The following TMPRSS3 variants were observed in gnomAD, a reference collection of about 807,000 sequenced individuals.
The protein encoded by TMPRSS3 is transmembrane protease serine 3.
TMPRSS3 carries 55 observed loss-of-function variants against 59.6 expected under a neutral mutation model. That is an observed-to-expected ratio of 0.92 (90% confidence interval 0.74 to 1.16). The LOEUF is 1.16. TMPRSS3 is among the 50% of genes most tolerant of loss of function. TMPRSS3 has a pLI of 0.00. For missense variants in TMPRSS3, 596 were observed against 579.4 expected (o/e 1.03, Z -0.29); for synonymous variants, 257 against 237.7 (o/e 1.08, Z -0.75).
At chr21:42,372,848 C>T (rs1313108141) in intron 12 of TMPRSS3, 69 bp from the exon 13 acceptor site, 26 of 1,571,202 alleles carry the variant, frequency 1.7e-5, no homozygotes, top group African/African-American at 4.1e-5. Flanking sequence ...GATGACGGAG[C>T]GGGCACCTGC....
At position 42,376,598 on chromosome 21, in the gene TMPRSS3, G is replaced by A; in HGVS notation, c.1134C>T (p.Ile378=). 5.0e-6 allele frequency: 8 copies of A among 1,614,020 alleles called. No individual in the cohort carries two copies. The highest frequency in any genetic ancestry group is 6.8e-6 in the Non-Finnish European group (8 of 1,180,030). ...CCGCGCAGAGCATGGAGGGGGAGAT[G>A]ATGCCACCGTACACGTCCCTGTGGT... ...ICNHRDVYGG[I]ISPSMLCAGY... The change falls in exon 11 of 13, where the codon ATC becomes ATT. Residue 378 remains isoleucine (I), a synonymous_variant. Transcript: ENST00000644384.
intron 2 of TMPRSS3, among the ~76,000 whole-genome samples, chr21:42,394,829 G>C (rs946183632): frequency 1.4e-4 from 22 of 152,334 alleles, no homozygotes; most frequent in African/African-American, 5.3e-4. Context: ...AGAGTCCACT[G>C]TTTTATCAGG....
At position 42,380,113 on chromosome 21, in the gene TMPRSS3, T is replaced by C. The variant is rs780622920; in HGVS notation, c.1048+4A>G. The C allele has an allele frequency of 1.2e-6, 2 of 1,612,978 alleles. No homozygotes were observed. The highest frequency in any genetic ancestry group is 1.1e-5 in the South Asian group (1 of 90,940). ...ACTCCGAATCTTGGCTTCAGCCCAC[T>C]GACCTCCATCCTCTGTGGCCCCCCA... On this transcript the variant is annotated splice_donor_region_variant and intron_variant, in intron 10 of 12. Coordinates refer to ENST00000644384, the MANE Select transcript of TMPRSS3 (RefSeq NM_001256317.3).
intron 2 of TMPRSS3, among the ~76,000 whole-genome samples, chr21:42,391,578 G>T (rs2052735594): frequency 6.6e-6 from 1 of 152,234 alleles, no homozygotes; most frequent in South Asian, 2.1e-4. Context: ...CTGTAAAGAT[G>T]AGGGTTCCCT....
Position 42,388,826 on chromosome 21 carries a change from C to T in TMPRSS3, c.322+103G>A. On this transcript the variant is annotated intron_variant, in intron 4 of 12. Transcript: ENST00000644384. The surrounding 1 kb of genome is among the most constrained non-coding windows in gnomAD (Gnocchi z 5.1). The stretch of plus-strand genomic sequence containing the variant: ...AGTTCAATCCCAGCTGAAGACATGA[C>T]CTAAAAATGGCAATGACTTGGACCC... 1 of 1,126,454 alleles carries T rather than the reference C, an allele frequency of 8.9e-7. No individual in the cohort carries two copies. The highest frequency in any genetic ancestry group is 1.2e-5 in the South Asian group (1 of 81,124). The allele number at this position is 1,126,454 out of a possible 1,614,324, so 69.8% of individuals were successfully genotyped here.
intron 11 of TMPRSS3, among the ~76,000 whole-genome samples, chr21:42,376,318 G>A (rs915923661): frequency 6.6e-6 from 1 of 152,190 alleles, no homozygotes; most frequent in Non-Finnish European, 1.5e-5. Flanking sequence ...GAATTGGAGG[G>A]GAGCAGCATG....
At position 42,372,662 on chromosome 21, in the gene TMPRSS3, G is replaced by A. The variant is rs577236954; in HGVS notation, c.*100C>T. ...TGGTGCCGGAACTCAGAGCTCCAAG[G>A]GTGTCTGCTCGTGTGCAGGTTCCTA... is the stretch of plus-strand genomic sequence containing the variant. On this transcript the variant is annotated 3_prime_UTR_variant, in exon 13 of 13. Transcript: ENST00000644384. The A allele has an allele frequency of 2.2e-4, 273 of 1,245,972 alleles. 4 individuals are homozygous for A. In the South Asian group the frequency reaches 3.2e-3, roughly 15 times the overall value. 77.2% of individuals were successfully genotyped at this position (1,245,972 alleles called of 1,614,324 possible).
chr21:42,383,463 A>C, intron 7 of TMPRSS3: 1 of 576,006 alleles, frequency 1.7e-6, no homozygotes, highest in Non-Finnish European at 3.1e-6. Context: ...CATTGGCAGC[A>C]CCACTCCCCA....
chr21:42,390,787 A>G (rs779472701), intron 2 of TMPRSS3, among the ~76,000 whole-genome samples: 1 of 152,194 alleles, frequency 6.6e-6, no homozygotes, highest in Admixed American at 6.5e-5. Context: ...CATGAAGGGA[A>G]GAGGATGGGA....
intron 12 of TMPRSS3, among the ~76,000 whole-genome samples, chr21:42,374,925 G>C (rs1338037874): frequency 6.6e-6 from 1 of 151,904 alleles, no homozygotes. Context: ...TTCTCCTAAA[G>C]CTGCAGTTTC....
intron 2 of TMPRSS3, among the ~76,000 whole-genome samples, chr21:42,394,286 A>C (rs1397591873): frequency 1.3e-5 from 2 of 152,136 alleles, no homozygotes; most frequent in Non-Finnish European, 2.9e-5. Context: ...TCAAACTATG[A>C]TCAAATGGCT....
At chr21:42,373,674 A>G (rs1046647017) in intron 12 of TMPRSS3, among the ~76,000 whole-genome samples, 10 of 152,140 alleles carry the variant, frequency 6.6e-5, no homozygotes, top group African/African-American at 2.4e-4. Context: ...GTGCAGTCAC[A>G]CTGGGGCCAC....
intron 2 of TMPRSS3, 61 bp downstream of exon 2, chr21:42,395,263 A>G: frequency 7.1e-7 from 1 of 1,413,450 alleles, no homozygotes; most frequent in Non-Finnish European, 1.0e-6. Context: ...AGTCAGTCAC[A>G]TTGGTCACCT....
At position 42,395,664 on chromosome 21, in the gene TMPRSS3, A is replaced by G. The variant is rs225319; in HGVS notation, c.-51-196T>C. The stretch of plus-strand genomic sequence containing the variant: ...AGCAGATAACAGAAAAGCTTCTAGA[A>G]TTAGCAAAAAAAAAAAAAAAAAAAA... On this transcript the variant is annotated intron_variant, in intron 1 of 12. Coordinates refer to ENST00000644384, the MANE Select transcript of TMPRSS3 (RefSeq NM_001256317.3). 77,282 of 375,112 alleles carry G rather than the reference A, an allele frequency of 0.21. 9,049 individuals are homozygous for G. Among genetic ancestry groups the G allele is most frequent in the East Asian group, 0.34 (5,432 of 16,026 alleles). 23.2% of individuals were successfully genotyped at this position (375,112 alleles called of 1,614,324 possible). A position where few individuals can be genotyped will look rare whatever the true frequency, so the allele number is the denominator to read the frequency against.
chr21:42,385,346 G>A, intron 6 of TMPRSS3, 63 bp downstream of exon 6: 1 of 1,603,044 alleles, frequency 6.2e-7, no homozygotes, highest in Non-Finnish European at 8.5e-7. Flanking sequence ...GTTGTGCATA[G>A]CATCACAAAT....
intron 12 of TMPRSS3, among the ~76,000 whole-genome samples, chr21:42,373,166 G>T (rs113351295): frequency 0.011 from 1,748 of 152,206 alleles, 40 homozygotes; most frequent in African/African-American, 0.04. Context: ...ACTAGCACAC[G>T]GGACACTTCC....
intron 2 of TMPRSS3, among the ~76,000 whole-genome samples, 171 bp downstream of exon 2, chr21:42,395,153 C>T (rs1166087898): frequency 6.6e-6 from 1 of 152,190 alleles, no homozygotes; most frequent in African/African-American, 2.4e-5. Flanking sequence ...GATCCCCTCT[C>T]CAATGCCCCT....
intron 12 of TMPRSS3, among the ~76,000 whole-genome samples, chr21:42,373,386 T>C (rs1239899514): frequency 6.6e-6 from 1 of 152,210 alleles, no homozygotes. Context: ...AGCGGATGAC[T>C]AAGGCGTTGT....
chr21:42,386,255 T>G (rs74820279), intron 5 of TMPRSS3, among the ~76,000 whole-genome samples: 1,635 of 152,300 alleles, frequency 0.011, 27 homozygotes, highest in African/African-American at 0.038. Context: ...CTTGTTTTCA[T>G]AGTGAACACA....
Sources: allele counts gnomAD v4.1 joint callset (sites outside exome capture counted in the v4.1 genomes callset), GRCh38; gene constraint gnomAD v4.1.1; non-coding constraint Gnocchi (gnomAD v3.1); transcripts MANE v1.5; gene names NCBI Gene and HGNC (gene_info 2026-07-23, HGNC 2026-07-21).